Variants in FOXN3 observed in about 807,000 individuals in gnomAD.
The protein encoded by FOXN3 is forkhead box protein N3.
A neutral mutation model predicts 38.4 loss-of-function variants in FOXN3; 7 were observed. The ratio of observed to expected loss-of-function variants is 0.18; its 90% CI spans 0.10 to 0.34. The LOEUF (loss-of-function observed/expected upper bound fraction) is 0.34. FOXN3 is among the 10% of genes least tolerant of loss of function. FOXN3 has a pLI of 1.00. For synonymous variants in FOXN3, 230 were observed against 242.2 expected, an observed-to-expected ratio of 0.95 and a Z score of 0.47; for missense variants, 456 against 613.4, an observed-to-expected ratio of 0.74 and a Z score of 2.71.
At chr14:89,521,722 C>A (rs572134525) in intron 1 of FOXN3, among the ~76,000 whole-genome samples, 1 of 151,728 alleles carries the variant, frequency 6.6e-6, no homozygotes, top group Non-Finnish European at 1.5e-5. Flanking sequence ...CATTGTCAAA[C>A]TTCCAAAAAA....
chr14:89,527,922 G>A (rs1008786001), intron 1 of FOXN3, among the ~76,000 whole-genome samples: 19 of 151,930 alleles, frequency 1.3e-4, no homozygotes, highest in East Asian at 3.9e-4. Context: ...GGTTGGTCTC[G>A]AACTCCTGAC....
chr14:89,493,283 T>C (rs1893618395), intron 1 of FOXN3, among the ~76,000 whole-genome samples: 1 of 152,170 alleles, frequency 6.6e-6, no homozygotes, highest in Admixed American at 6.5e-5. Flanking sequence ...TCAGTGTAAA[T>C]TGCACTACAA....
At chr14:89,450,023 T>C (rs1435949832) in intron 1 of FOXN3, among the ~76,000 whole-genome samples, 6 of 152,184 alleles carry the variant, frequency 3.9e-5, no homozygotes, top group Non-Finnish European at 8.8e-5. Context: ...AGCCACCTTG[T>C]TCCTAAGCCA....
intron 1 of FOXN3, among the ~76,000 whole-genome samples, chr14:89,442,753 C>A (rs1014476813): frequency 6.7e-6 from 1 of 149,956 alleles, no homozygotes; most frequent in Admixed American, 6.6e-5. Context: ...GTCTTCACTC[C>A]AACCAGCCAG....
intron 3 of FOXN3, among the ~76,000 whole-genome samples, chr14:89,335,452 C>T (rs1196882013): frequency 1.3e-5 from 2 of 152,238 alleles, no homozygotes; most frequent in African/African-American, 4.8e-5. Context: ...AAATGACCAA[C>T]AGTGCTCATC....
intron 4 of FOXN3, among the ~76,000 whole-genome samples, chr14:89,229,658 G>A (rs1345565485): frequency 1.3e-5 from 2 of 152,288 alleles, no homozygotes; most frequent in East Asian, 3.9e-4. Context: ...GTAGGCATGT[G>A]TCTCCCCAGC....
chr14:89,560,931 C>T (rs1298690539), intron 1 of FOXN3, among the ~76,000 whole-genome samples: 2 of 152,170 alleles, frequency 1.3e-5, no homozygotes, highest in African/African-American at 2.4e-5. Flanking sequence ...AAAAAGGTAG[C>T]AATTGCCACA....
chr14:89,513,320 C>T (rs1029789355), intron 1 of FOXN3, among the ~76,000 whole-genome samples: 1 of 151,724 alleles, frequency 6.6e-6, no homozygotes, highest in Non-Finnish European at 1.5e-5. Context: ...GGCTGGAGTG[C>T]AGTGGCCCAA....
rs145429162 is a variant in FOXN3, at chr14:89,380,121, C to T, written c.544-29313G>A. On this transcript the variant is annotated intron_variant, in intron 2 of 5. Coordinates refer to ENST00000557258, the MANE Select transcript of FOXN3 (RefSeq NM_005197.4). ...TGTAGTTCCCATAATTCCCACATGTCGGGGGAGGGACCCGGGGGGAAGTAA... is the reference window on the plus strand; with the variant it reads ...TGTAGTTCCCATAATTCCCACATGTTGGGGGAGGGACCCGGGGGGAAGTAA... Among the ~76,000 whole-genome samples the T allele has an allele frequency of 2.1e-3, 317 of 152,236 alleles. 3 individuals are homozygous for T. The highest frequency in any genetic ancestry group is 6.8e-3 in the African/African-American group (283 of 41,524).
In FOXN3 at chr14:89,203,458, C is replaced by A. The variant is rs1288442912; in HGVS notation, c.746-22652G>T. Among the ~76,000 whole-genome samples the A allele has an allele frequency of 3.3e-5, 5 of 152,328 alleles. No homozygotes were observed. In the East Asian group the frequency reaches 9.6e-4, roughly 29 times the overall value. ...ACATAGACCAGCAAGCCTCATAGTGCCCTGTGTCTGTGGCACCCGAGGGAG... is the reference window on the plus strand; with the variant it reads ...ACATAGACCAGCAAGCCTCATAGTGACCTGTGTCTGTGGCACCCGAGGGAG... On this transcript the variant is annotated intron_variant, in intron 4 of 5. Coordinates refer to ENST00000557258, the MANE Select transcript of FOXN3 (RefSeq NM_005197.4).
chr14:89,604,329 G>C (rs1896225790), intron 1 of FOXN3, among the ~76,000 whole-genome samples: 1 of 152,070 alleles, frequency 6.6e-6, no homozygotes, highest in Admixed American at 6.6e-5. Context: ...GAAAACAATA[G>C]AGAGGAGAAC....
intron 1 of FOXN3, among the ~76,000 whole-genome samples, chr14:89,459,316 T>C (rs977090658): frequency 1.3e-5 from 2 of 152,220 alleles, no homozygotes; most frequent in African/African-American, 4.8e-5. Context: ...ACATTATTTC[T>C]TGACAATCCA....
intron 2 of FOXN3, among the ~76,000 whole-genome samples, chr14:89,375,154 G>A (rs1235536672): frequency 6.6e-6 from 1 of 152,104 alleles, no homozygotes; most frequent in African/African-American, 2.4e-5. Flanking sequence ...TTTTCATGAT[G>A]AAACTGTTCT....
At chr14:89,492,241 G>A (rs565896407) in intron 1 of FOXN3, among the ~76,000 whole-genome samples, 2 of 152,272 alleles carry the variant, frequency 1.3e-5, no homozygotes, top group Non-Finnish European at 2.9e-5. Context: ...GCCTGGGGGG[G>A]CCAAGCACAC....
intron 2 of FOXN3, among the ~76,000 whole-genome samples, chr14:89,386,906 C>A (rs1451273650): frequency 1.3e-5 from 2 of 152,174 alleles, no homozygotes; most frequent in African/African-American, 2.4e-5. Flanking sequence ...ATTAGGACCC[C>A]ATCCGTATGG....
At chr14:89,420,737 A>C (rs1891881631), upstream of FOXN3, among the ~76,000 whole-genome samples, 1 of 152,194 alleles carries the variant, frequency 6.6e-6, no homozygotes, top group South Asian at 2.1e-4. Context: ...CCTAAAGAGC[A>C]CACAGATTAG....
At chr14:89,564,362 C>T (rs916187024) in intron 1 of FOXN3, among the ~76,000 whole-genome samples, 1 of 152,030 alleles carries the variant, frequency 6.6e-6, no homozygotes, top group African/African-American at 2.4e-5. Context: ...AATAAATGTC[C>T]GCAACTCAAA....
intron 1 of FOXN3, among the ~76,000 whole-genome samples, chr14:89,512,075 AG>A (rs1173347822): frequency 6.6e-6 from 1 of 151,032 alleles, no homozygotes; most frequent in Non-Finnish European, 1.5e-5. Context: ...AGAGGCAAAA[AG>A]GACAGTTTGC....
chr14:89,485,013 G>C (rs960135300), intron 1 of FOXN3, among the ~76,000 whole-genome samples: 1 of 151,996 alleles, frequency 6.6e-6, no homozygotes, highest in Non-Finnish European at 1.5e-5. Context: ...TTAGCCGGGC[G>C]TGGTGGTGGA....
Sources: allele counts gnomAD v4.1 joint callset (sites outside exome capture counted in the v4.1 genomes callset), GRCh38; gene constraint gnomAD v4.1.1; transcripts MANE v1.5; gene names NCBI Gene and HGNC (gene_info 2026-07-23, HGNC 2026-07-21).